The following NBPF15 variants were observed in gnomAD, a reference collection of about 807,000 sequenced individuals.
NBPF15 encodes NBPF family member NBPF15.
Under a neutral mutation model 62.2 loss-of-function variants are expected in NBPF15, and 74 were observed. The observed-to-expected ratio is 1.19, with a 90% CI of 0.99 to 1.44. The LOEUF (loss-of-function observed/expected upper bound fraction) is 1.44, where lower values mean the gene tolerates loss of function less well. Among genes scored for constraint, NBPF15 ranks in the 40% most tolerant of loss-of-function variants. NBPF15 has a pLI of 0.00. For synonymous variants in NBPF15, 244 were observed against 209.7 expected, an observed-to-expected ratio of 1.16 and a Z score of -1.41; for missense variants, 790 against 550.0, an observed-to-expected ratio of 1.44 and a Z score of -4.36.
intron 13 of NBPF15, among the ~76,000 whole-genome samples, chr1:144,431,251 C>T (rs1246731751): frequency 1.3e-5 from 2 of 150,650 alleles, no homozygotes; most frequent in Admixed American, 1.3e-4. Flanking sequence ...TCGAGAAGAG[C>T]AACCCCAAAA....
At chr1:144,432,497 A>G (rs1349413529) in intron 13 of NBPF15, among the ~76,000 whole-genome samples, 4 of 152,034 alleles carry the variant, frequency 2.6e-5, no homozygotes, top group African/African-American at 9.7e-5. Flanking sequence ...TGCCCCAGTT[A>G]AAAAACACAG....
At position 144,439,946 on chromosome 1, in the gene NBPF15, T is replaced by C; in HGVS notation, c.58A>G (p.Ile20Val). The change falls in exon 8 of 22, where the codon ATC (isoleucine) becomes GTC (valine). Residue 20 changes from isoleucine (I) to valine (V), a missense_variant. By Grantham distance (29) the Ile-to-Val change is conservative (BLOSUM62 3). Coordinates refer to ENST00000581897, the MANE Select transcript of NBPF15 (RefSeq NM_001385408.1). Reference protein sequence around the residue: ...SEKAEMNILEINEKLRPQLAE... With the variant: ...SEKAEMNILEVNEKLRPQLAE... ...AACTGGGGGCGCAATTTCTCATTGATTTCTAGAATGTTCATCTCTGCCTTC... is the reference window on the plus strand; with the variant it reads ...AACTGGGGGCGCAATTTCTCATTGACTTCTAGAATGTTCATCTCTGCCTTC... 2.5e-6 allele frequency: 4 copies of C among 1,611,162 alleles called. No homozygotes were observed. The highest frequency in any genetic ancestry group is 1.1e-5 in the South Asian group (1 of 90,956).
rs1553538433 is a variant in NBPF15 at position 144,422,822 on chromosome 1, C to T, written c.*191G>A. ...GCACAGTTATGTGAACGTGTCACAC[C>T]TAACATGGGTCCATTGTCTTCAGAT... On this transcript the variant is annotated 3_prime_UTR_variant, in exon 22 of 22. Coordinates refer to ENST00000581897, the MANE Select transcript of NBPF15 (RefSeq NM_001385408.1). 4 of 1,416,968 alleles carry T rather than the reference C, an allele frequency of 2.8e-6. No individual in the cohort carries two copies. The highest frequency in any genetic ancestry group is 1.4e-5 in the African/African-American group (1 of 69,604). 87.8% of individuals were successfully genotyped at this position (1,416,968 alleles called of 1,614,324 possible).
At chr1:144,439,185 T>C (rs1412399331) in intron 8 of NBPF15, among the ~76,000 whole-genome samples, 5 of 151,770 alleles carry the variant, frequency 3.3e-5, no homozygotes, top group Non-Finnish European at 5.9e-5. Context: ...GGTTTCTCCA[T>C]GTTGCCCAGG....
chr1:144,430,899 A>C (rs1673707282), intron 13 of NBPF15, among the ~76,000 whole-genome samples: 1 of 152,114 alleles, frequency 6.6e-6, no homozygotes, highest in South Asian at 2.1e-4. Context: ...ATGGAGCTGA[A>C]AACCATGGCA....
chr1:144,454,917 T>C (rs1237156383), intron 4 of NBPF15, among the ~76,000 whole-genome samples: 1 of 150,694 alleles, frequency 6.6e-6, no homozygotes, highest in Admixed American at 6.6e-5. Flanking sequence ...ACGAGCTCCC[T>C]GCCTACAAGA....
Position 144,422,790 on chromosome 1 carries a change from A to G in NBPF15, c.*223T>C. 2 of 1,123,396 alleles carry G rather than the reference A, an allele frequency of 1.8e-6. No individual in the cohort carries two copies. Among genetic ancestry groups the G allele is most frequent in the Non-Finnish European group, 2.5e-6 (2 of 797,052 alleles). The allele number at this position is 1,123,396 out of a possible 1,614,324, so 69.6% of individuals were successfully genotyped here. ...AAATGTCTGACTGATCACTCCCGGCATGTTCTGCACAGTTATGTGAACGTG... is the reference window on the plus strand; with the variant it reads ...AAATGTCTGACTGATCACTCCCGGCGTGTTCTGCACAGTTATGTGAACGTG... On this transcript the variant is annotated 3_prime_UTR_variant, in exon 22 of 22. Coordinates refer to ENST00000581897, the MANE Select transcript of NBPF15 (RefSeq NM_001385408.1).
In NBPF15 at chr1:144,435,133, C is replaced by T. The variant is rs1373726027; in HGVS notation, c.750G>A (p.Glu250=). 15 of 1,612,860 alleles carry T rather than the reference C, an allele frequency of 9.3e-6. No individual in the cohort carries two copies. In the East Asian group the frequency reaches 3.1e-4, roughly 34 times the overall value. ...LIGSSSHVEW[E]DAVHIIPENE... ...TACCTGGAATAATGTGTACAGCATCCTCCCATTCAACATGAGAGGATGAGC... is the reference window on the plus strand; with the variant it reads ...TACCTGGAATAATGTGTACAGCATCTTCCCATTCAACATGAGAGGATGAGC... The change falls in exon 12 of 22, where the codon GAG becomes GAA. Residue 250 remains glutamate, a synonymous_variant. Transcript: ENST00000581897.
intron 6 of NBPF15, among the ~76,000 whole-genome samples, chr1:144,445,542 G>C (rs1282909441): frequency 6.8e-6 from 1 of 147,974 alleles, no homozygotes; most frequent in Non-Finnish European, 1.5e-5. Context: ...GAGTAATTCT[G>C]GAAATAGGTA....
Position 144,439,941 on chromosome 1 carries a change from A to T in NBPF15, c.63T>A (p.Asn21Lys), listed in dbSNP as rs782371145. 2 of 1,610,974 alleles carry T rather than the reference A, an allele frequency of 1.2e-6. No individual in the cohort carries two copies. The highest frequency in any genetic ancestry group is 1.7e-6 in the Non-Finnish European group (2 of 1,178,782). Residue 21 changes from asparagine (N) to lysine (K), a missense_variant, in exon 8 of 22, where the codon AAT (asparagine) becomes AAA (lysine). Transcript: ENST00000581897. ...EKAEMNILEI[N>K]EKLRPQLAEK... is the part of the protein sequence containing the mutation. ...CTGCCAACTGGGGGCGCAATTTCTC[A>T]TTGATTTCTAGAATGTTCATCTCTG... is the stretch of plus-strand genomic sequence containing the variant.
intron 4 of NBPF15, among the ~76,000 whole-genome samples, chr1:144,452,389 T>A (rs1403298571): frequency 3.3e-5 from 5 of 151,898 alleles, no homozygotes; most frequent in Non-Finnish European, 7.4e-5. Flanking sequence ...ATCTCTTCTC[T>A]ACTTGTCACA....
chr1:144,421,763 T>A lies in NBPF15; in HGVS notation c.*1250A>T, dbSNP rs1328401143. 4 of 147,106 alleles carry A rather than the reference T, an allele frequency of 2.7e-5. No individual in the cohort carries two copies. Among genetic ancestry groups the A allele is most frequent in the Non-Finnish European group, 4.5e-5 (3 of 66,230 alleles). The allele number at this position is 147,106 out of a possible 1,614,324, so 9.1% of individuals were successfully genotyped here. A position where few individuals can be genotyped will look rare whatever the true frequency, so the allele number is the denominator to read the frequency against. On this transcript the variant is annotated 3_prime_UTR_variant, in exon 22 of 22. Coordinates refer to ENST00000581897, the MANE Select transcript of NBPF15 (RefSeq NM_001385408.1). The stretch of plus-strand genomic sequence containing the variant: ...CTTGAAAACCGCTTTCCCAAGTACT[T>A]CATTATAAGTAAGGTGTCTCTAAAA...
rs1385470749 is a variant in NBPF15 at position 144,440,613 on chromosome 1, A to C, written c.-190-318T>G. 40 of 197,888 alleles carry C rather than the reference A, an allele frequency of 2.0e-4. No homozygotes were observed. In the East Asian group the frequency reaches 4.9e-3, roughly 24 times the overall value. The allele number at this position is 197,888 out of a possible 1,614,324, so 12.3% of individuals were successfully genotyped here. A position where few individuals can be genotyped will look rare whatever the true frequency, so the allele number is the denominator to read the frequency against. On this transcript the variant is annotated intron_variant, in intron 6 of 21. Transcript: ENST00000581897. ...GGTAGTCATGAAATCATAAATAAAA[A>C]AATAGAATCATTTAGTATGTTCTCT...
Position 144,427,105 on chromosome 1 carries a change from T to C in NBPF15, c.1214-7A>G. 1 of 568,570 alleles carries C rather than the reference T, an allele frequency of 1.8e-6. No homozygotes were observed. Among genetic ancestry groups the C allele is most frequent in the Non-Finnish European group, 3.1e-6 (1 of 326,672 alleles). The allele number at this position is 568,570 out of a possible 1,614,324, so 35.2% of individuals were successfully genotyped here. ...TCTTGGTACTTTTCAATTTCTGCAA[T>C]AAGTTCAGACATGGACAGACATATT... On this transcript the variant is annotated splice_region_variant and splice_polypyrimidine_tract_variant and intron_variant, in intron 16 of 21. Coordinates refer to ENST00000581897, the MANE Select transcript of NBPF15 (RefSeq NM_001385408.1).
At chr1:144,447,357 G>A (rs1357493564) in intron 6 of NBPF15, among the ~76,000 whole-genome samples, 1 of 151,640 alleles carries the variant, frequency 6.6e-6, no homozygotes, top group East Asian at 2.0e-4. Context: ...TGAGAATTGG[G>A]GCTGTGGAAG....
intron 13 of NBPF15, among the ~76,000 whole-genome samples, chr1:144,431,960 C>T (rs1471314064): frequency 3.3e-5 from 5 of 150,562 alleles, no homozygotes; most frequent in Non-Finnish European, 7.4e-5. Flanking sequence ...CATATGTGTG[C>T]ATGTGTCTTT....
chr1:144,461,423 G>T lies in NBPF15; in HGVS notation c.-980C>A, dbSNP rs1653010039. 1 of 152,082 alleles carries T rather than the reference G, an allele frequency of 6.6e-6. No homozygotes were observed. The highest frequency in any genetic ancestry group is 1.5e-5 in the Non-Finnish European group (1 of 68,044). 9.4% of individuals were successfully genotyped at this position (152,082 alleles called of 1,614,324 possible). A position where few individuals can be genotyped will look rare whatever the true frequency, so the allele number is the denominator to read the frequency against. On this transcript the variant is annotated 5_prime_UTR_variant, in exon 1 of 22. Transcript: ENST00000581897. ...GCGGCGCCTTCACCTCGGAAACGCT[G>T]GGTGGACTTCGCTGTAAACCGTAAC...
intron 6 of NBPF15, among the ~76,000 whole-genome samples, chr1:144,447,948 G>A (rs1249261857): frequency 2.6e-5 from 4 of 152,034 alleles, no homozygotes; most frequent in Admixed American, 6.6e-5. Context: ...CAGACCGCAC[G>A]GCTCCAGAGT....
chr1:144,436,514 G>C (rs1461246906), intron 10 of NBPF15, among the ~76,000 whole-genome samples: 1 of 151,938 alleles, frequency 6.6e-6, no homozygotes, highest in Non-Finnish European at 1.5e-5. Flanking sequence ...GGAAGGACAA[G>C]TCATTCACTC....
Sources: allele counts gnomAD v4.1 joint callset (sites outside exome capture counted in the v4.1 genomes callset), GRCh38; gene constraint gnomAD v4.1.1; transcripts MANE v1.5; gene names NCBI Gene and HGNC (gene_info 2026-07-23, HGNC 2026-07-21).